The following ANK2 variants were observed in gnomAD, a reference collection of about 807,000 sequenced individuals.
ANK2 encodes ankyrin 2.
ANK2 carries 83 observed loss-of-function variants against 360.5 expected under a neutral mutation model. The ratio of observed to expected loss-of-function variants is 0.23; its 90% confidence interval spans 0.19 to 0.28. ANK2 has a LOEUF of 0.28. ANK2 is among the 10% of genes least tolerant of loss of function. The probability of loss-of-function intolerance (pLI) is 1.00; values close to 1 mark genes in which losing one functional copy is unlikely to be tolerated. For synonymous variants in ANK2, 1,740 were observed against 1,759.5 expected, an observed-to-expected ratio of 0.99 and a Z score of 0.28; for missense variants, 4,201 against 4,795.7, an observed-to-expected ratio of 0.88 and a Z score of 3.66.
chr4:112,893,140 C>CTACT (rs2080610699), intron 1 of ANK2, among the ~76,000 whole-genome samples: 4 of 152,058 alleles, frequency 2.6e-5, no homozygotes, highest in Admixed American at 2.6e-4. Flanking sequence ...GAAGATAACA[C>CTACT]TACTTTATGT....
chr4:112,730,655 A>G, the ANK2 span, among the ~76,000 whole-genome samples: 102 of 150,394 alleles, frequency 6.8e-4, no homozygotes, highest in African/African-American at 2.3e-3. Context: ...AAAAAAAAAA[A>G]AAAGAAAGAA....
chr4:113,199,393 A>G (rs1267145366), intron 4 of ANK2, among the ~76,000 whole-genome samples: 1 of 152,158 alleles, frequency 6.6e-6, no homozygotes, highest in African/African-American at 2.4e-5. Context: ...TGACAGTGAC[A>G]TCTGTGAAAT....
At chr4:112,913,617 G>A (rs1210084651) in intron 2 of ANK2, among the ~76,000 whole-genome samples, 3 of 152,054 alleles carry the variant, frequency 2.0e-5, no homozygotes, top group African/African-American at 7.2e-5. Context: ...TTCTCTGGAT[G>A]GTTAAAAATA....
intron 2 of ANK2, among the ~76,000 whole-genome samples, chr4:113,026,864 G>T (rs376881426): frequency 2.0e-5 from 3 of 152,236 alleles, no homozygotes; most frequent in Non-Finnish European, 2.9e-5. Flanking sequence ...CTTAGAGGAG[G>T]TTATTGGAAA....
intron 1 of ANK2, among the ~76,000 whole-genome samples, chr4:112,896,692 G>T (rs2081856993): frequency 6.6e-6 from 1 of 152,144 alleles, no homozygotes; most frequent in Non-Finnish European, 1.5e-5. Flanking sequence ...CTGCTATGTG[G>T]CTGGTTTGGA....
chr4:112,987,302 G>C (rs1157335801), intron 2 of ANK2, among the ~76,000 whole-genome samples: 2 of 152,184 alleles, frequency 1.3e-5, no homozygotes, highest in Non-Finnish European at 2.9e-5. Flanking sequence ...AATGGGCAGT[G>C]CTGGGCTGGA....
chr4:112,774,756 C>G, the ANK2 span, among the ~76,000 whole-genome samples: 5 of 152,170 alleles, frequency 3.3e-5, no homozygotes, highest in Non-Finnish European at 5.9e-5. Context: ...TAGTGTGAGT[C>G]AAAGTGTGAG....
At chr4:112,850,300 C>A (rs1490816077) in intron 1 of ANK2, among the ~76,000 whole-genome samples, 1 of 122,580 alleles carries the variant, frequency 8.2e-6, no homozygotes, top group Non-Finnish European at 1.7e-5. Context: ...ATCTATCTAT[C>A]TAATTTGTTC....
intron 13 of ANK2, among the ~76,000 whole-genome samples, chr4:113,264,010 A>T (rs1010336362): frequency 2.0e-5 from 3 of 152,240 alleles, no homozygotes; most frequent in Admixed American, 2.0e-4. Context: ...TTTGGGGTAG[A>T]ACAAAGATAC....
At chr4:112,948,128 G>A (rs560037079) in intron 2 of ANK2, among the ~76,000 whole-genome samples, 3 of 152,038 alleles carry the variant, frequency 2.0e-5, no homozygotes, top group African/African-American at 7.2e-5. Context: ...ATGGGAGATG[G>A]ACAAAAGTGT....
chr4:113,356,917 G>C lies in ANK2; in HGVS notation c.8299G>C (p.Asp2767His), dbSNP rs375718800. 3 of 1,613,932 alleles carry C rather than the reference G, an allele frequency of 1.9e-6. No individual in the cohort carries two copies. The African/African-American group carries it at 4.0e-5, about 22-fold the overall frequency. Residue 2767 changes from aspartate to histidine, a missense_variant, in exon 38 of 46, where the codon GAT becomes CAT. Asp to His is a moderately conservative substitution (Grantham distance 81, BLOSUM62 -1). Coordinates refer to ENST00000357077, the MANE Select transcript of ANK2 (RefSeq NM_001148.6). ...RSYDKLNRDTDQPKICDGHGC... is the reference protein window; with the variant it reads ...RSYDKLNRDTHQPKICDGHGC... ...TTATGATAAGCTAAACAGAGACACT[G>C]ATCAGCCAAAAATCTGTGATGGCCA... is the stretch of plus-strand genomic sequence containing the variant.
intron 2 of ANK2, among the ~76,000 whole-genome samples, chr4:113,188,570 GA>G (rs1265675524): frequency 6.6e-6 from 1 of 152,088 alleles, no homozygotes; most frequent in African/African-American, 2.4e-5. Context: ...AACACAATCA[GA>G]AGCATGATCA....
intron 1 of ANK2, among the ~76,000 whole-genome samples, chr4:113,100,398 G>C (rs760870726): frequency 6.6e-6 from 1 of 152,082 alleles, no homozygotes; most frequent in Non-Finnish European, 1.5e-5. Context: ...ATCTCATTAG[G>C]AAATCACAAA....
At chr4:113,336,807 A>G in intron 31 of ANK2, 26 bp downstream of exon 31, 5 of 1,608,602 alleles carry the variant, frequency 3.1e-6, no homozygotes, top group Non-Finnish European at 4.3e-6. Context: ...CTGTGTTCGT[A>G]GAGAGTTCTG....
At chr4:113,084,296 A>G (rs1334641218) in intron 1 of ANK2, among the ~76,000 whole-genome samples, 2 of 152,214 alleles carry the variant, frequency 1.3e-5, no homozygotes, top group Non-Finnish European at 2.9e-5. Context: ...TCCAAAAACA[A>G]CGCTTCTCTG....
chr4:112,847,681 T>C (rs1579594985), intron 1 of ANK2, among the ~76,000 whole-genome samples: 3 of 152,012 alleles, frequency 2.0e-5, no homozygotes, highest in East Asian at 3.9e-4. Context: ...GACCTCCTTT[T>C]CCCCCTTAAA....
the ANK2 span, among the ~76,000 whole-genome samples, chr4:112,793,430 A>T: frequency 1.3e-5 from 2 of 152,180 alleles, no homozygotes; most frequent in African/African-American, 2.4e-5. Flanking sequence ...AAGGCATATT[A>T]GTTATCAAAT....
chr4:113,188,619 A>T (rs998089545), intron 2 of ANK2, among the ~76,000 whole-genome samples: 2 of 152,226 alleles, frequency 1.3e-5, no homozygotes, highest in African/African-American at 4.8e-5. Flanking sequence ...AAATATGATT[A>T]TCCAGATGAC....
chr4:112,942,583 G>A (rs2154247646), intron 2 of ANK2, among the ~76,000 whole-genome samples: 1 of 151,834 alleles, frequency 6.6e-6, no homozygotes, highest in Non-Finnish European at 1.5e-5. Flanking sequence ...AATGACCAAA[G>A]CAATACTATA....
Sources: gnomAD v4.1 joint callset for allele counts (sites outside exome capture counted in the v4.1 genomes callset) on GRCh38, gnomAD v4.1.1 for gene constraint, MANE v1.5 for transcripts, NCBI Gene and HGNC (gene_info 2026-07-23, HGNC 2026-07-21) for gene names.